The following PHTF2 variants were observed in gnomAD, a reference collection of about 807,000 sequenced individuals.
The protein encoded by PHTF2 is putative homeodomain transcription factor 2.
In PHTF2, 60 loss-of-function variants were observed where a neutral mutation model predicts 101.2. The observed-to-expected ratio is 0.59, with a 90% CI of 0.48 to 0.73. The LOEUF is 0.73. PHTF2 is among the 30% of genes least tolerant of loss of function. The probability of loss-of-function intolerance (pLI) is 0.00; values close to 1 mark genes in which losing one functional copy is unlikely to be tolerated. For synonymous variants in PHTF2, 311 were observed against 307.3 expected, an observed-to-expected ratio of 1.01 and a Z score of -0.13; for missense variants, 747 against 908.7, an observed-to-expected ratio of 0.82 and a Z score of 2.29.
At chr7:77,855,201 T>C (rs145407452) in intron 3 of PHTF2, among the ~76,000 whole-genome samples, 3 of 152,330 alleles carry the variant, frequency 2.0e-5, no homozygotes, top group Non-Finnish European at 4.4e-5. Context: ...ATGCCATGGC[T>C]GCGTCCTTCT....
intron 1 of PHTF2, among the ~76,000 whole-genome samples, chr7:77,806,051 T>C (rs1792950139): frequency 6.6e-6 from 1 of 152,106 alleles, no homozygotes; most frequent in East Asian, 1.9e-4. Context: ...GGTGCGTGCC[T>C]GTAGTCCTAG....
At chr7:77,886,111 G>T (rs1799823076) in intron 3 of PHTF2, among the ~76,000 whole-genome samples, 1 of 152,078 alleles carries the variant, frequency 6.6e-6, no homozygotes, top group Non-Finnish European at 1.5e-5. Context: ...TTTTATCTAA[G>T]CACTCAGTCT....
At chr7:77,932,168 A>G (rs1804630861) in intron 12 of PHTF2, among the ~76,000 whole-genome samples, 1 of 152,212 alleles carries the variant, frequency 6.6e-6, no homozygotes, top group East Asian at 1.9e-4. Flanking sequence ...AATTAGGGAA[A>G]TTGAGCTGGA....
At chr7:77,892,509 GC>G (rs1265106102) in intron 3 of PHTF2, among the ~76,000 whole-genome samples, 1 of 152,138 alleles carries the variant, frequency 6.6e-6, no homozygotes, top group Non-Finnish European at 1.5e-5. Flanking sequence ...TAATATCATT[GC>G]CTATCTCTGG....
intron 16 of PHTF2, among the ~76,000 whole-genome samples, chr7:77,943,168 C>T (rs1296263927): frequency 2.0e-5 from 3 of 152,234 alleles, no homozygotes; most frequent in African/African-American, 4.8e-5. Flanking sequence ...GTCGCGCAGG[C>T]GGAGTGCAGT....
intron 1 of PHTF2, among the ~76,000 whole-genome samples, chr7:77,837,756 G>T (rs189953993): frequency 6.6e-6 from 1 of 152,130 alleles, no homozygotes. Context: ...TTTCTTGTGA[G>T]GCAGGCAGTG....
intron 2 of PHTF2, among the ~76,000 whole-genome samples, chr7:77,854,309 T>C (rs986446343): frequency 3.9e-5 from 6 of 152,210 alleles, no homozygotes; most frequent in African/African-American, 9.6e-5. Flanking sequence ...AAATGGAGTC[T>C]CTCTGTCTGC....
chr7:77,801,161 A>C (rs1044001276), intron 1 of PHTF2, among the ~76,000 whole-genome samples: 10 of 152,370 alleles, frequency 6.6e-5, no homozygotes, highest in African/African-American at 2.2e-4. Context: ...GGAGAAATAG[A>C]TATTTGAACA....
chr7:77,886,465 T>A (rs758056662), intron 3 of PHTF2, among the ~76,000 whole-genome samples: 24 of 152,198 alleles, frequency 1.6e-4, no homozygotes, highest in Non-Finnish European at 2.9e-4. Context: ...CGCTTTTCTT[T>A]CCTTCCCAGT....
At chr7:77,946,643 A>G (rs1372367479) in intron 16 of PHTF2, among the ~76,000 whole-genome samples, 1 of 152,162 alleles carries the variant, frequency 6.6e-6, no homozygotes, top group Non-Finnish European at 1.5e-5. Context: ...AAAGGGCCAG[A>G]TAAATATTTT....
intron 7 of PHTF2, among the ~76,000 whole-genome samples, chr7:77,907,171 T>C (rs1801944405): frequency 6.6e-6 from 1 of 152,152 alleles, no homozygotes; most frequent in African/African-American, 2.4e-5. Flanking sequence ...AAAAAGACTC[T>C]CTGCTTTTCA....
intron 12 of PHTF2, among the ~76,000 whole-genome samples, chr7:77,933,104 G>C (rs959768278): frequency 6.6e-6 from 1 of 152,134 alleles, no homozygotes; most frequent in African/African-American, 2.4e-5. Context: ...CGGGCGTGGT[G>C]GCGGGTGCCT....
chr7:77,935,275 T>C (rs1011588199), intron 12 of PHTF2, among the ~76,000 whole-genome samples: 1 of 129,322 alleles, frequency 7.7e-6, no homozygotes, highest in Non-Finnish European at 1.6e-5. Context: ...CAGGCTGGAG[T>C]GCAGTGGCGC....
chr7:77,829,482 A>C (rs1054085287), intron 1 of PHTF2, among the ~76,000 whole-genome samples: 1 of 152,212 alleles, frequency 6.6e-6, no homozygotes, highest in Non-Finnish European at 1.5e-5. Context: ...TATTCTTTCA[A>C]ATATTTCCAT....
At chr7:77,800,594 G>C (rs1020593363) in intron 1 of PHTF2, among the ~76,000 whole-genome samples, 2 of 152,216 alleles carry the variant, frequency 1.3e-5, no homozygotes, top group South Asian at 2.1e-4. Context: ...TGGACAGTTG[G>C]CCCTAAAAAT....
At chr7:77,904,687 G>T (rs1051965719) in intron 7 of PHTF2, among the ~76,000 whole-genome samples, 4 of 152,180 alleles carry the variant, frequency 2.6e-5, no homozygotes, top group African/African-American at 9.7e-5. Flanking sequence ...AAAGACAAGA[G>T]TCGTATCAGT....
chr7:77,953,861 T>C, exon 19 of PHTF2: 1 of 1,613,488 alleles, frequency 6.2e-7, no homozygotes, highest in Non-Finnish European at 8.5e-7. Context: ...CTGTTTCTGG[T>C]GTTATCAGTG....
intron 3 of PHTF2, among the ~76,000 whole-genome samples, chr7:77,872,853 G>A (rs1392240864): frequency 2.0e-5 from 3 of 152,084 alleles, no homozygotes; most frequent in Admixed American, 1.3e-4. Flanking sequence ...TAAACCAAGG[G>A]AGATCAGACA....
intron 1 of PHTF2, among the ~76,000 whole-genome samples, chr7:77,813,136 A>C (rs559805738): frequency 6.6e-6 from 1 of 152,244 alleles, no homozygotes; most frequent in Non-Finnish European, 1.5e-5. Flanking sequence ...TTACAATCCA[A>C]TTACACTGAT....
Sources: gnomAD v4.1 joint callset for allele counts (sites outside exome capture counted in the v4.1 genomes callset) on GRCh38, gnomAD v4.1.1 for gene constraint, MANE v1.5 for transcripts, NCBI Gene and HGNC (gene_info 2026-07-23, HGNC 2026-07-21) for gene names.